PRKN: variants seen among roughly 807,000 people sequenced by gnomAD.
PRKN encodes E3 ubiquitin-protein ligase parkin.
PRKN carries 56 observed loss-of-function variants against 59.5 expected under a neutral mutation model. That is an observed-to-expected ratio of 0.94 (90% CI 0.76 to 1.18). The LOEUF (loss-of-function observed/expected upper bound fraction) is 1.18, where lower values mean the gene tolerates loss of function less well. PRKN is among the 50% of genes most tolerant of loss of function. The pLI, the probability that PRKN is intolerant of heterozygous loss-of-function variation, is 0.00. For synonymous variants in PRKN, 250 were observed against 222.1 expected (o/e 1.13, Z -1.12); for missense variants, 657 against 596.4 (o/e 1.10, Z -1.06).
chr6:161,422,114 T>C (rs1788131996), intron 9 of PRKN, among the ~76,000 whole-genome samples: 1 of 152,132 alleles, frequency 6.6e-6, no homozygotes, highest in African/African-American at 2.4e-5. Context: ...ATAAAACTTA[T>C]TAGCCAAGGA....
chr6:161,359,333 C>T lies in PRKN; in HGVS notation c.1285+755G>A, dbSNP rs1028479840. 1.3e-5 allele frequency among the ~76,000 whole-genome samples: 2 copies of T among 152,202 alleles called. No individual in the cohort carries two copies. The highest frequency in any genetic ancestry group is 2.4e-5 in the African/African-American group (1 of 41,448). The stretch of plus-strand genomic sequence containing the variant: ...AAGGACATAACTGAAAAGAGAGAGG[C>T]TTGAGTGCCCATCCTGGGATGGCCG... On this transcript the variant is annotated intron_variant, in intron 11 of 11. Coordinates refer to ENST00000366898, the MANE Select transcript of PRKN (RefSeq NM_004562.3). This position sits in a 1 kb window ranked among gnomAD's most constrained non-coding sequence, Gnocchi z 5.4.
At chr6:161,531,978 A>G (rs16892725) in intron 9 of PRKN, among the ~76,000 whole-genome samples, 10,887 of 152,210 alleles carry the variant, frequency 0.072, 518 homozygotes, top group African/African-American at 0.13. Context: ...GAAATTAGAT[A>G]GATGCCAAAA....
chr6:161,593,550 G>A lies in PRKN; in HGVS notation c.872-24134C>T, dbSNP rs1430276590. ...TCAGGTGGGAGGTGATGGCACCTGGGGGCTGGAAGGTGAGGCCAGCAGGTC... is the reference window on the plus strand; with the variant it reads ...TCAGGTGGGAGGTGATGGCACCTGGAGGCTGGAAGGTGAGGCCAGCAGGTC... On this transcript the variant is annotated intron_variant, in intron 7 of 11. Transcript: ENST00000366898. The surrounding 1 kb of genome is among the most constrained non-coding windows in gnomAD (Gnocchi z 4.8). Among the ~76,000 whole-genome samples the A allele has an allele frequency of 1.3e-5, 2 of 152,126 alleles. No individual in the cohort carries two copies. Among genetic ancestry groups the A allele is most frequent in the Non-Finnish European group, 2.9e-5 (2 of 68,018 alleles).
At chr6:161,666,592 G>A (rs1245036841) in intron 7 of PRKN, among the ~76,000 whole-genome samples, 2 of 152,134 alleles carry the variant, frequency 1.3e-5, no homozygotes, top group Non-Finnish European at 2.9e-5. Flanking sequence ...AAAAGCCAGT[G>A]AGTCATTGCA....
chr6:162,311,331 C>T (rs1164593281), intron 2 of PRKN, among the ~76,000 whole-genome samples: 1 of 152,114 alleles, frequency 6.6e-6, no homozygotes, highest in Non-Finnish European at 1.5e-5. Context: ...AATGACTTCA[C>T]TGATCTGGGT....
At chr6:161,860,188 A>G (rs1471967553) in intron 6 of PRKN, among the ~76,000 whole-genome samples, 2 of 152,230 alleles carry the variant, frequency 1.3e-5, no homozygotes, top group African/African-American at 4.8e-5. Context: ...AAAGACAGAT[A>G]TTGTGATGAA....
At chr6:162,060,844 C>T (rs978122377) in intron 4 of PRKN, among the ~76,000 whole-genome samples, 1 of 152,178 alleles carries the variant, frequency 6.6e-6, no homozygotes, top group African/African-American at 2.4e-5. Flanking sequence ...TTTACTTAAA[C>T]TATACTTACC....
At chr6:161,452,946 G>A (rs1789805087) in intron 9 of PRKN, among the ~76,000 whole-genome samples, 1 of 151,756 alleles carries the variant, frequency 6.6e-6, no homozygotes, top group Non-Finnish European at 1.5e-5. Context: ...GCACTATTGT[G>A]CTCTTAAGAT....
chr6:162,701,577 A>C (rs1188833917), intron 1 of PRKN, among the ~76,000 whole-genome samples: 1 of 152,114 alleles, frequency 6.6e-6, no homozygotes, highest in Admixed American at 6.6e-5. Flanking sequence ...AAAAAATACA[A>C]GTCCAGCACA....
chr6:162,252,510 AATGT>A (rs1779475753), intron 3 of PRKN, among the ~76,000 whole-genome samples: 1 of 152,188 alleles, frequency 6.6e-6, no homozygotes, highest in Admixed American at 6.6e-5. Context: ...CCTAATCACC[AATGT>A]GATGGCATTC....
chr6:162,276,845 T>TA (rs1433949689), intron 2 of PRKN, among the ~76,000 whole-genome samples: 2 of 152,080 alleles, frequency 1.3e-5, no homozygotes, highest in Non-Finnish European at 2.9e-5. Context: ...TTCACAACCA[T>TA]ACAGTAACCT....
chr6:162,494,358 C>A (rs887031075), intron 1 of PRKN, among the ~76,000 whole-genome samples: 1 of 152,080 alleles, frequency 6.6e-6, no homozygotes, highest in Non-Finnish European at 1.5e-5. Context: ...GGTGGGGAAC[C>A]CTGGCTTCTG....
At chr6:162,707,703 T>C (rs1304461347) in intron 1 of PRKN, among the ~76,000 whole-genome samples, 1 of 152,018 alleles carries the variant, frequency 6.6e-6, no homozygotes, top group Non-Finnish European at 1.5e-5. Flanking sequence ...GCCTCCTGAG[T>C]AGCTGGGACT....
At chr6:161,474,598 T>C (rs1790972203) in intron 9 of PRKN, among the ~76,000 whole-genome samples, 1 of 145,266 alleles carries the variant, frequency 6.9e-6, no homozygotes, top group Admixed American at 6.9e-5. Flanking sequence ...TCACCATTAC[T>C]TTTTTTTTTT....
At chr6:162,034,772 C>T (rs1783776034) in intron 5 of PRKN, among the ~76,000 whole-genome samples, 1 of 152,162 alleles carries the variant, frequency 6.6e-6, no homozygotes. Context: ...TTATCCAAGA[C>T]TCTAACTTTT....
At chr6:162,536,330 C>G (rs1026871764) in intron 1 of PRKN, among the ~76,000 whole-genome samples, 36 of 152,072 alleles carry the variant, frequency 2.4e-4, no homozygotes, top group Non-Finnish European at 2.9e-4. Context: ...GGGTCCAGAA[C>G]AAAAGAATGT....
intron 2 of PRKN, among the ~76,000 whole-genome samples, chr6:162,437,691 T>C (rs1789844677): frequency 6.6e-6 from 1 of 152,192 alleles, no homozygotes; most frequent in Admixed American, 6.5e-5. Context: ...GTACGATCTT[T>C]GGGGATGGGC....
At chr6:162,077,470 T>C (rs1022125982) in intron 4 of PRKN, among the ~76,000 whole-genome samples, 52 of 152,072 alleles carry the variant, frequency 3.4e-4, no homozygotes, top group African/African-American at 1.1e-3. Flanking sequence ...TTTGCCACTT[T>C]ATGGCTGTTT....
chr6:161,761,795 T>G (rs1789213144), intron 7 of PRKN, among the ~76,000 whole-genome samples: 1 of 152,222 alleles, frequency 6.6e-6, no homozygotes, highest in South Asian at 2.1e-4. Flanking sequence ...AGGTTGGCAC[T>G]GGGAAAAACG....
Sources: allele counts gnomAD v4.1 joint callset (sites outside exome capture counted in the v4.1 genomes callset), GRCh38; gene constraint gnomAD v4.1.1; non-coding constraint Gnocchi (gnomAD v3.1); transcripts MANE v1.5; gene names NCBI Gene and HGNC (gene_info 2026-07-23, HGNC 2026-07-21).